The following SLC26A11 variants were observed in gnomAD, a reference collection of about 807,000 sequenced individuals.
SLC26A11 encodes solute carrier family 26 member 11.
A neutral mutation model predicts 62.2 loss-of-function variants in SLC26A11; 58 were observed. The observed-to-expected ratio is 0.93, with a 90% CI of 0.76 to 1.16. SLC26A11 has a LOEUF of 1.16. Among genes scored for constraint, SLC26A11 ranks in the 50% most tolerant of loss-of-function variants. SLC26A11 has a pLI of 0.00. For synonymous variants in SLC26A11, 411 were observed against 368.9 expected, an observed-to-expected ratio of 1.11 and a Z score of -1.31; for missense variants, 790 against 794.3, an observed-to-expected ratio of 0.99 and a Z score of 0.06.
In SLC26A11 at chr17:80,222,393, A is replaced by G. The variant is rs2042246696; in HGVS notation, c.235-262A>G. The G allele has an allele frequency of 2.6e-6, 1 of 381,458 alleles. No homozygotes were observed. The allele number at this position is 381,458 out of a possible 1,614,324, so 23.6% of individuals were successfully genotyped here. ...TCCATCTCAAAAAAAAAAAAAAAGA[A>G]TGCTTCCTCAGACTTGGACACAGCA... On this transcript the variant is annotated intron_variant, in intron 3 of 17. Coordinates refer to ENST00000361193, the MANE Select transcript of SLC26A11 (RefSeq NM_001166347.2). This position sits in a 1 kb window ranked among gnomAD's most constrained non-coding sequence, Gnocchi z 4.7.
intron 7 of SLC26A11, among the ~76,000 whole-genome samples, chr17:80,229,969 C>T (rs1027475389): frequency 1.3e-5 from 2 of 151,886 alleles, no homozygotes; most frequent in East Asian, 3.9e-4. Flanking sequence ...TTTGGGAGGC[C>T]GAGGGAGGCA....
Position 80,246,647 on chromosome 17 carries a change from A to C in SLC26A11, c.1292A>C (p.Lys431Thr), listed in dbSNP as rs764115198. 6.2e-7 allele frequency: 1 copy of C among 1,613,548 alleles called. No homozygotes were observed. The highest frequency in any genetic ancestry group is 8.5e-7 in the Non-Finnish European group (1 of 1,179,854). ...ATCTTCAGGACGCTCTGGCGTGTTA[A>C]GAGTACGTCCTTGTCCTACAGGGGA... ...TKIFRTLWRV[K>T]RLDLLPLCVT... Residue 431 changes from lysine (K) to threonine (T), a missense_variant and splice_region_variant, in exon 13 of 18, where the codon AAG becomes ACG. Physicochemically the swap from Lys to Thr is moderately conservative, Grantham distance 78. Coordinates refer to ENST00000361193, the MANE Select transcript of SLC26A11 (RefSeq NM_001166347.2). The surrounding 1 kb of genome is among the most constrained non-coding windows in gnomAD (Gnocchi z 4.4).
At chr17:80,232,640 A>C (rs1175132496) in intron 7 of SLC26A11, among the ~76,000 whole-genome samples, 3 of 152,212 alleles carry the variant, frequency 2.0e-5, no homozygotes, top group Non-Finnish European at 4.4e-5. Flanking sequence ...TTTTAATCTC[A>C]TAATCTCTGC....
At position 80,246,425 on chromosome 17, in the gene SLC26A11, G is replaced by A; in HGVS notation, c.1154-84G>A. On this transcript the variant is annotated intron_variant, in intron 12 of 17. Transcript: ENST00000361193. This position sits in a 1 kb window ranked among gnomAD's most constrained non-coding sequence, Gnocchi z 4.4. Reference sequence around the variant, plus strand: ...CCTACCCCCACCCCTGTCCCCAGTGGGCTCTGCTGAACAAGAGGCTGCTAC... The same window carrying A: ...CCTACCCCCACCCCTGTCCCCAGTGAGCTCTGCTGAACAAGAGGCTGCTAC... The A allele has an allele frequency of 6.4e-7, 1 of 1,571,036 alleles. No individual in the cohort carries two copies. The highest frequency in any genetic ancestry group is 8.6e-7 in the Non-Finnish European group (1 of 1,160,676).
rs1457246646 is a variant in SLC26A11 at position 80,237,082 on chromosome 17, C to T, written c.891C>T (p.Ile297=). The T allele has an allele frequency of 1.2e-6, 2 of 1,612,988 alleles. No individual in the cohort carries two copies. The highest frequency in any genetic ancestry group is 2.7e-5 in the African/African-American group (2 of 74,874). ...CAGTGACCACAGCCAACGGGACGAT[C>T]TCCTTCACCGAGATGGTGCAGGTGG... ...PFSVTTANGT[I]SFTEMVQDMG... is the part of the protein sequence containing the mutation. The change falls in exon 8 of 18, where the codon ATC becomes ATT. Residue 297 remains isoleucine (I), a synonymous_variant. Transcript: ENST00000361193.
At chr17:80,249,751 CA>C (rs34836454) in intron 16 of SLC26A11, among the ~76,000 whole-genome samples, 42,075 of 151,074 alleles carry the variant, frequency 0.28, 6,499 homozygotes, top group South Asian at 0.39. Context: ...ACTAAAAATA[CA>C]AAAAAAAACT....
intron 7 of SLC26A11, among the ~76,000 whole-genome samples, chr17:80,230,045 A>C (rs1267771412): frequency 6.6e-6 from 1 of 151,992 alleles, no homozygotes; most frequent in African/African-American, 2.4e-5. Flanking sequence ...AAATACAAAA[A>C]TTAGCTGGGT....
intron 10 of SLC26A11, among the ~76,000 whole-genome samples, chr17:80,244,102 G>A (rs1319871016): frequency 6.6e-6 from 1 of 152,230 alleles, no homozygotes; most frequent in Non-Finnish European, 1.5e-5. Flanking sequence ...GCCCCAGGCC[G>A]AGCCGCCTTG....
chr17:80,245,130 C>A, intron 10 of SLC26A11, 66 bp from the exon 11 acceptor site: 2 of 1,492,362 alleles, frequency 1.3e-6, no homozygotes, highest in Non-Finnish European at 1.9e-6. Flanking sequence ...GTCCCCCTCC[C>A]CATCTCCTTT....
At chr17:80,238,494 G>T (rs1445893289) in intron 9 of SLC26A11, among the ~76,000 whole-genome samples, 2 of 152,144 alleles carry the variant, frequency 1.3e-5, no homozygotes, top group Admixed American at 6.6e-5. Context: ...CCCCAGGGAG[G>T]CAGGGAACCC....
In SLC26A11 at chr17:80,221,529, T is replaced by C; in HGVS notation, c.-13-19T>C. On this transcript the variant is annotated intron_variant, in intron 2 of 17. Transcript: ENST00000361193. Reference sequence around the variant, plus strand: ...AGGCCACGCTCTGACTGCTGGTCTGTGTCACCTGCACCCCCCAGCCCCACC... The same window carrying C: ...AGGCCACGCTCTGACTGCTGGTCTGCGTCACCTGCACCCCCCAGCCCCACC... 1 of 1,508,444 alleles carries C rather than the reference T, an allele frequency of 6.6e-7. No homozygotes were observed. Among genetic ancestry groups the C allele is most frequent in the Non-Finnish European group, 8.9e-7 (1 of 1,124,892 alleles). The allele number at this position is 1,508,444 out of a possible 1,614,324, so 93.4% of individuals were successfully genotyped here.
At chr17:80,224,446 T>TGC (rs1204410947) in intron 5 of SLC26A11, among the ~76,000 whole-genome samples, 4 of 124,234 alleles carry the variant, frequency 3.2e-5, no homozygotes, top group African/African-American at 1.4e-4. Flanking sequence ...GGTGTGAGAG[T>TGC]GTGAGTGTGA....
chr17:80,227,125 CTTT>C (rs1485848419), intron 6 of SLC26A11, among the ~76,000 whole-genome samples: 4 of 152,192 alleles, frequency 2.6e-5, no homozygotes, highest in Non-Finnish European at 5.9e-5. Flanking sequence ...GGTGTCCAGT[CTTT>C]TGTCTTCCCT....
At chr17:80,234,609 G>A (rs978663713) in intron 7 of SLC26A11, among the ~76,000 whole-genome samples, 6 of 152,076 alleles carry the variant, frequency 3.9e-5, no homozygotes, top group African/African-American at 1.2e-4. Context: ...CCCCCTATGC[G>A]ATTCCACAGA....
At chr17:80,236,866 A>T in intron 7 of SLC26A11, 62 bp from the exon 8 acceptor site, 1 of 1,543,622 alleles carries the variant, frequency 6.5e-7, no homozygotes. Flanking sequence ...ACCTGGAGGC[A>T]GCCGCGCTAC....
In SLC26A11 at chr17:80,221,431, C is replaced by T. The variant is rs1237265927; in HGVS notation, c.-13-117C>T. 11 of 711,828 alleles carry T rather than the reference C, an allele frequency of 1.5e-5. No homozygotes were observed. The South Asian group carries it at 1.9e-4, about 13-fold the overall frequency. 44.1% of individuals were successfully genotyped at this position (711,828 alleles called of 1,614,324 possible). ...GCTTCCTCTTAGAGCCGTTCGCCCC[C>T]CTGGGGAGGGGAGACCCATAGTGAC... On this transcript the variant is annotated intron_variant, in intron 2 of 17. Transcript: ENST00000361193.
intron 3 of SLC26A11, 97 bp downstream of exon 3, chr17:80,221,891 C>T: frequency 2.4e-6 from 3 of 1,272,538 alleles, no homozygotes; most frequent in South Asian, 1.5e-5. Context: ...GGTTTCCAGC[C>T]CCTGGGCCCC....
chr17:80,243,502 A>T (rs1456293010), intron 10 of SLC26A11, among the ~76,000 whole-genome samples: 1 of 152,068 alleles, frequency 6.6e-6, no homozygotes, highest in African/African-American at 2.4e-5. Context: ...GGTTCAAGCG[A>T]TTCTCCTGCC....
At chr17:80,236,146 T>C (rs1280987439) in intron 7 of SLC26A11, among the ~76,000 whole-genome samples, 1 of 152,228 alleles carries the variant, frequency 6.6e-6, no homozygotes, top group Non-Finnish European at 1.5e-5. Context: ...GGTTTTTTAC[T>C]CTGGTGTGAA....
Sources: allele counts gnomAD v4.1 joint callset (sites outside exome capture counted in the v4.1 genomes callset), GRCh38; gene constraint gnomAD v4.1.1; non-coding constraint Gnocchi (gnomAD v3.1); transcripts MANE v1.5; gene names NCBI Gene and HGNC (gene_info 2026-07-23, HGNC 2026-07-21).